The following ZRANB3 variants were observed in gnomAD, a reference collection of about 807,000 sequenced individuals.
ZRANB3 encodes the protein zinc finger RANBP2-type containing 3.
Under a neutral mutation model 133.8 loss-of-function variants are expected in ZRANB3, and 125 were observed. The observed-to-expected ratio is 0.93, with a 90% CI of 0.81 to 1.08. The LOEUF is 1.08. ZRANB3 is among the 50% of genes least tolerant of loss of function. The pLI is 0.00. For missense variants in ZRANB3, 1,229 were observed against 1,275.5 expected, an observed-to-expected ratio of 0.96 and a Z score of 0.56; for synonymous variants, 387 against 432.7, an observed-to-expected ratio of 0.89 and a Z score of 1.31.
At chr2:135,371,398 CTT>C (rs1686170931) in intron 3 of ZRANB3, among the ~76,000 whole-genome samples, 1 of 152,276 alleles carries the variant, frequency 6.6e-6, no homozygotes, top group African/African-American at 2.4e-5. Flanking sequence ...CTGATGTGAA[CTT>C]AAACATTAAA....
intron 6 of ZRANB3, among the ~76,000 whole-genome samples, chr2:135,317,854 A>G (rs1683335829): frequency 6.6e-6 from 1 of 151,996 alleles, no homozygotes; most frequent in Non-Finnish European, 1.5e-5. Flanking sequence ...CACTCTCCCC[A>G]CCCACATCTC....
chr2:135,408,372 T>C (rs1270952833), intron 2 of ZRANB3, among the ~76,000 whole-genome samples: 1 of 152,150 alleles, frequency 6.6e-6, no homozygotes, highest in Non-Finnish European at 1.5e-5. Context: ...TTTACACTGT[T>C]GGTGGGACTG....
At chr2:135,431,730 A>T (rs1231771692) in intron 2 of ZRANB3, among the ~76,000 whole-genome samples, 3 of 152,204 alleles carry the variant, frequency 2.0e-5, no homozygotes, top group Non-Finnish European at 4.4e-5. Flanking sequence ...GTGATCCGAA[A>T]ACTGCAAATT....
At chr2:135,281,882 C>T (rs1206034261) in intron 8 of ZRANB3, among the ~76,000 whole-genome samples, 2 of 152,126 alleles carry the variant, frequency 1.3e-5, no homozygotes, top group Non-Finnish European at 2.9e-5. Context: ...CATTTCAGCT[C>T]TAGGTAAACA....
chr2:135,416,204 A>T (rs1688565190), intron 2 of ZRANB3, among the ~76,000 whole-genome samples: 1 of 151,658 alleles, frequency 6.6e-6, no homozygotes, highest in African/African-American at 2.4e-5. Context: ...TATATCTAGA[A>T]AACCCCATCG....
At chr2:135,361,809 A>C (rs1334057618) in intron 3 of ZRANB3, among the ~76,000 whole-genome samples, 3 of 152,228 alleles carry the variant, frequency 2.0e-5, no homozygotes, top group African/African-American at 7.2e-5. Flanking sequence ...AAGGGGGTAT[A>C]TATTTTAGCA....
chr2:135,478,184 A>C (rs1451659302), intron 2 of ZRANB3, among the ~76,000 whole-genome samples: 1 of 152,092 alleles, frequency 6.6e-6, no homozygotes, highest in East Asian at 1.9e-4. Flanking sequence ...CACGTCTATA[A>C]ATATACATAT....
At chr2:135,521,849 C>T (rs1308571625) in intron 1 of ZRANB3, among the ~76,000 whole-genome samples, 3 of 152,144 alleles carry the variant, frequency 2.0e-5, no homozygotes, top group Non-Finnish European at 2.9e-5. Flanking sequence ...GTGGAGTCTG[C>T]AGACAGAGAA....
chr2:135,345,715 A>C, intron 5 of ZRANB3, 80 bp from the exon 6 acceptor site: 1 of 1,010,282 alleles, frequency 9.9e-7, no homozygotes, highest in Non-Finnish European at 1.5e-6. Flanking sequence ...CATTTAACAA[A>C]ATAGTAGGAA....
chr2:135,304,050 C>A (rs1434894712), intron 8 of ZRANB3, among the ~76,000 whole-genome samples: 3 of 152,134 alleles, frequency 2.0e-5, no homozygotes, highest in African/African-American at 7.2e-5. Context: ...TGAATATGGA[C>A]AATTTTACTT....
At chr2:135,418,363 C>G (rs1688681495) in intron 2 of ZRANB3, among the ~76,000 whole-genome samples, 1 of 152,138 alleles carries the variant, frequency 6.6e-6, no homozygotes, top group Non-Finnish European at 1.5e-5. Context: ...CAAGGGATGA[C>G]TATACTATTG....
At position 135,382,965 on chromosome 2, in the gene ZRANB3, T is replaced by G. The variant is rs183657194; in HGVS notation, c.180+7837A>C. Reference sequence around the variant, plus strand: ...CAAAATAATCAGCTAACATCATAATTACAGGATCAAATTCACACATAACAA... The same window carrying G: ...CAAAATAATCAGCTAACATCATAATGACAGGATCAAATTCACACATAACAA... On this transcript the variant is annotated intron_variant, in intron 3 of 20. Coordinates refer to ENST00000264159, the MANE Select transcript of ZRANB3 (RefSeq NM_032143.4). Among the ~76,000 whole-genome samples the G allele has an allele frequency of 3.0e-4, 45 of 152,212 alleles. No individual in the cohort carries two copies. In the East Asian group the frequency reaches 5.4e-3, roughly 18 times the overall value.
intron 3 of ZRANB3, among the ~76,000 whole-genome samples, chr2:135,359,884 T>G (rs984414689): frequency 1.3e-5 from 2 of 152,230 alleles, no homozygotes; most frequent in African/African-American, 2.4e-5. Context: ...ACTATTTTTC[T>G]TAGGTATTTG....
chr2:135,478,095 G>GAA (rs1691579214), intron 2 of ZRANB3, among the ~76,000 whole-genome samples: 1 of 151,928 alleles, frequency 6.6e-6, no homozygotes, highest in Non-Finnish European at 1.5e-5. Flanking sequence ...TTGCTTATTA[G>GAA]AATTTTTCTT....
At chr2:135,200,532 T>G in intron 20 of ZRANB3, 92 bp from the exon 21 acceptor site, 1 of 1,086,124 alleles carries the variant, frequency 9.2e-7, no homozygotes, top group Non-Finnish European at 1.3e-6. Context: ...GTTTGGAAAA[T>G]CTACAGTCAC....
intron 1 of ZRANB3, chr2:135,510,535 T>C: frequency 1.5e-6 from 1 of 654,134 alleles, no homozygotes; most frequent in Non-Finnish European, 2.8e-6. Context: ...CGCGTGAAGA[T>C]CCATGAAGAT....
chr2:135,355,154 G>A, intron 3 of ZRANB3: 1 of 843,190 alleles, frequency 1.2e-6, no homozygotes, highest in African/African-American at 1.8e-5. Flanking sequence ...TTTTGTTTAT[G>A]TATTTTTCTT....
At chr2:135,330,107 G>A (rs1378252865) in intron 6 of ZRANB3, among the ~76,000 whole-genome samples, 1 of 152,214 alleles carries the variant, frequency 6.6e-6, no homozygotes, top group African/African-American at 2.4e-5. Flanking sequence ...TAGGAGTGGT[G>A]AGAGAGTGCA....
intron 2 of ZRANB3, among the ~76,000 whole-genome samples, chr2:135,399,011 G>C (rs1356044017): frequency 6.6e-6 from 1 of 152,180 alleles, no homozygotes; most frequent in African/African-American, 2.4e-5. Flanking sequence ...CATCCATAGT[G>C]TGACTGTGAT....
Sources: gnomAD v4.1 joint callset for allele counts (sites outside exome capture counted in the v4.1 genomes callset) on GRCh38, gnomAD v4.1.1 for gene constraint, MANE v1.5 for transcripts, NCBI Gene and HGNC (gene_info 2026-07-23, HGNC 2026-07-21) for gene names.